Variants in FRAS1 observed in about 807,000 individuals in gnomAD.
FRAS1 encodes the protein extracellular matrix organizing protein FRAS1.
FRAS1 carries 290 observed loss-of-function variants against 435.2 expected under a neutral mutation model. The ratio of observed to expected loss-of-function variants is 0.67; its 90% CI spans 0.61 to 0.73. The LOEUF (loss-of-function observed/expected upper bound fraction) is 0.73. FRAS1 is among the 30% of genes least tolerant of loss of function. The pLI, the probability that FRAS1 is intolerant of heterozygous loss-of-function variation, is 0.00. For missense variants in FRAS1, 4,860 were observed against 5,001.5 expected, an observed-to-expected ratio of 0.97 and a Z score of 0.85; for synonymous variants, 1,800 against 1,851.0, an observed-to-expected ratio of 0.97 and a Z score of 0.71.
At chr4:78,298,561 T>G (rs553310568) in intron 14 of FRAS1, among the ~76,000 whole-genome samples, 1 of 152,326 alleles carries the variant, frequency 6.6e-6, no homozygotes, top group African/African-American at 2.4e-5. Flanking sequence ...CTGTCATGTT[T>G]GGTACTCTAT....
intron 6 of FRAS1, among the ~76,000 whole-genome samples, chr4:78,264,063 G>C (rs1228027200): frequency 6.6e-6 from 1 of 152,160 alleles, no homozygotes; most frequent in Admixed American, 6.5e-5. Flanking sequence ...AACTGTTCCA[G>C]ATTTATCTTC....
chr4:78,168,792 G>A (rs1338105021), intron 2 of FRAS1, among the ~76,000 whole-genome samples: 1 of 152,064 alleles, frequency 6.6e-6, no homozygotes, highest in African/African-American at 2.4e-5. Context: ...GAATGCCTCT[G>A]GATTTTGAGC....
intron 13 of FRAS1, 101 bp from the exon 14 acceptor site, chr4:78,286,304 T>C: frequency 7.5e-7 from 1 of 1,337,656 alleles, no homozygotes. Context: ...GTTTGGGACC[T>C]GGAGCCTCAA....
chr4:78,099,431 A>G (rs1741993872), intron 2 of FRAS1, among the ~76,000 whole-genome samples: 1 of 152,160 alleles, frequency 6.6e-6, no homozygotes, highest in Non-Finnish European at 1.5e-5. Context: ...CCTCCCCTCC[A>G]CTTGCAGAAT....
chr4:78,298,067 T>C (rs1241172155), intron 14 of FRAS1, among the ~76,000 whole-genome samples: 1 of 69,232 alleles, frequency 1.4e-5, no homozygotes, highest in African/African-American at 3.8e-5. Context: ...TAATCCTCTT[T>C]ATATATATAT....
In FRAS1 at chr4:78,534,625, T is replaced by C. The variant is rs1285348246; in HGVS notation, c.11092+10T>C. The C allele has an allele frequency of 1.9e-6, 3 of 1,610,756 alleles. No individual in the cohort carries two copies. Among genetic ancestry groups the C allele is most frequent in the Non-Finnish European group, 2.5e-6 (3 of 1,178,014 alleles). Reference sequence around the variant, plus strand: ...GGAGCCTTTTCAAAAGGTGAGTTGCTTCCTCCACCTGCAGAAAGAGGCTCT... The same window carrying C: ...GGAGCCTTTTCAAAAGGTGAGTTGCCTCCTCCACCTGCAGAAAGAGGCTCT... On this transcript the variant is annotated intron_variant, in intron 71 of 73. Transcript: ENST00000512123.
intron 2 of FRAS1, among the ~76,000 whole-genome samples, chr4:78,130,061 G>C (rs1719607550): frequency 1.3e-5 from 2 of 152,048 alleles, no homozygotes; most frequent in South Asian, 4.2e-4. Flanking sequence ...ACAAAACTTT[G>C]CCCAGGTTGT....
chr4:78,103,188 A>G (rs926855669), intron 2 of FRAS1, among the ~76,000 whole-genome samples: 1 of 152,254 alleles, frequency 6.6e-6, no homozygotes, highest in Non-Finnish European at 1.5e-5. Context: ...TATCTTCAGT[A>G]GCCACTAACT....
chr4:78,129,361 A>G (rs1469212035), intron 2 of FRAS1, among the ~76,000 whole-genome samples: 1 of 152,250 alleles, frequency 6.6e-6, no homozygotes, highest in Non-Finnish European at 1.5e-5. Context: ...CCTAGAGAAT[A>G]TGTTGATTAG....
At chr4:78,372,462 G>A (rs973920802) in intron 23 of FRAS1, among the ~76,000 whole-genome samples, 2 of 152,164 alleles carry the variant, frequency 1.3e-5, no homozygotes, top group African/African-American at 2.4e-5. Flanking sequence ...CAGCAGCCCT[G>A]CCAACAAGCA....
chr4:78,470,985 G>A (rs1719688730), intron 51 of FRAS1, among the ~76,000 whole-genome samples: 1 of 152,190 alleles, frequency 6.6e-6, no homozygotes, highest in African/African-American at 2.4e-5. Flanking sequence ...GCAGGCAGAG[G>A]CTCAGCTAAA....
intron 69 of FRAS1, among the ~76,000 whole-genome samples, chr4:78,525,712 C>T (rs552228845): frequency 4.6e-5 from 7 of 152,316 alleles, no homozygotes; most frequent in African/African-American, 1.7e-4. Context: ...TCCCAAGGCC[C>T]TTGAAGAAGG....
At chr4:78,121,413 T>C (rs554110398) in intron 2 of FRAS1, among the ~76,000 whole-genome samples, 1 of 152,248 alleles carries the variant, frequency 6.6e-6, no homozygotes, top group African/African-American at 2.4e-5. Context: ...TGTAACCCAG[T>C]GAGAACCCTG....
chr4:78,197,897 A>C (rs960524664), intron 2 of FRAS1, among the ~76,000 whole-genome samples: 3 of 151,506 alleles, frequency 2.0e-5, no homozygotes, highest in African/African-American at 4.9e-5. Flanking sequence ...GCCGAGATTG[A>C]GCCACTGCAC....
intron 14 of FRAS1, among the ~76,000 whole-genome samples, chr4:78,299,295 C>A (rs935257879): frequency 6.6e-6 from 1 of 152,066 alleles, no homozygotes; most frequent in Non-Finnish European, 1.5e-5. Context: ...ATTCTTTGGT[C>A]CCTGTCCTGA....
chr4:78,439,941 C>T (rs936370585), intron 40 of FRAS1, among the ~76,000 whole-genome samples: 5 of 150,982 alleles, frequency 3.3e-5, no homozygotes, highest in Admixed American at 2.6e-4. Context: ...GCTCTATGTA[C>T]ATACCATAAT....
At chr4:78,162,132 T>C (rs1479858025) in intron 2 of FRAS1, among the ~76,000 whole-genome samples, 1 of 152,220 alleles carries the variant, frequency 6.6e-6, no homozygotes, top group African/African-American at 2.4e-5. Context: ...TTGTCCTTGA[T>C]GTGTGTCTTG....
At chr4:78,330,839 G>C (rs980883829) in intron 18 of FRAS1, among the ~76,000 whole-genome samples, 3 of 152,180 alleles carry the variant, frequency 2.0e-5, no homozygotes, top group Non-Finnish European at 4.4e-5. Context: ...ACCTCGCCCT[G>C]CCTCCACTTG....
At chr4:78,356,282 A>G (rs1198266212) in intron 20 of FRAS1, among the ~76,000 whole-genome samples, 3 of 152,074 alleles carry the variant, frequency 2.0e-5, no homozygotes, top group Non-Finnish European at 2.9e-5. Context: ...TGCAACCCAT[A>G]TTGACCTTTT....
Sources: allele counts gnomAD v4.1 joint callset (sites outside exome capture counted in the v4.1 genomes callset), GRCh38; gene constraint gnomAD v4.1.1; transcripts MANE v1.5; gene names NCBI Gene and HGNC (gene_info 2026-07-23, HGNC 2026-07-21).